ABI3BP: variants seen among roughly 807,000 people sequenced by gnomAD.
The protein encoded by ABI3BP is target of Nesh-SH3.
ABI3BP carries 216 observed loss-of-function variants against 268.6 expected under a neutral mutation model. The ratio of observed to expected loss-of-function variants is 0.80; its 90% CI spans 0.72 to 0.90. ABI3BP has a LOEUF of 0.90. ABI3BP is among the 40% of genes least tolerant of loss of function. The probability of loss-of-function intolerance (pLI) is 0.00; values close to 1 mark genes in which losing one functional copy is unlikely to be tolerated. For synonymous variants in ABI3BP, 730 were observed against 730.0 expected (o/e 1.00, Z 0.00); for missense variants, 2,090 against 2,182.4 (o/e 0.96, Z 0.84).
Position 100,773,974 on chromosome 3 carries a change from T to C in ABI3BP, c.4531+631A>G, listed in dbSNP as rs1468323796. Reference sequence around the variant, plus strand: ...AAGAGAAAGGGATTGCAAAGACACATGATGAAACTTTTGGAAGTTATATAT... The same window carrying C: ...AAGAGAAAGGGATTGCAAAGACACACGATGAAACTTTTGGAAGTTATATAT... On this transcript the variant is annotated intron_variant, in intron 61 of 67. Coordinates refer to ENST00000471714, the MANE Select transcript of ABI3BP (RefSeq NM_001375547.2). Among the ~76,000 whole-genome samples, 3 of 152,198 alleles carry C rather than the reference T, an allele frequency of 2.0e-5. No homozygotes were observed. In the East Asian group the frequency reaches 5.8e-4, roughly 29 times the overall value.
chr3:100,880,748 G>A (rs1044711252), intron 6 of ABI3BP, among the ~76,000 whole-genome samples: 40 of 152,230 alleles, frequency 2.6e-4, no homozygotes, highest in African/African-American at 8.7e-4. Context: ...AGGAACTTGC[G>A]TCTCACCCTG....
At chr3:100,890,667 T>C (rs1280877200) in intron 4 of ABI3BP, among the ~76,000 whole-genome samples, 3 of 152,210 alleles carry the variant, frequency 2.0e-5, no homozygotes, top group East Asian at 1.9e-4. Flanking sequence ...AAAATGTCTC[T>C]ATTTCTTTGC....
At chr3:100,983,653 T>C (rs1291504967) in intron 1 of ABI3BP, among the ~76,000 whole-genome samples, 1 of 152,202 alleles carries the variant, frequency 6.6e-6, no homozygotes. Context: ...CGTGGCCAAG[T>C]ATTTTTAAAT....
At chr3:100,887,291 T>C (rs1165519130) in intron 4 of ABI3BP, among the ~76,000 whole-genome samples, 1 of 152,078 alleles carries the variant, frequency 6.6e-6, no homozygotes. Context: ...CATGTATCAA[T>C]GTGGATAGAT....
At chr3:100,759,979 C>T (rs1209134283) in intron 63 of ABI3BP, among the ~76,000 whole-genome samples, 1 of 152,220 alleles carries the variant, frequency 6.6e-6, no homozygotes, top group Non-Finnish European at 1.5e-5. Flanking sequence ...GGCTATTCCA[C>T]ATGCCTGCAT....
At chr3:100,915,518 G>A (rs1423468795) in intron 2 of ABI3BP, among the ~76,000 whole-genome samples, 1 of 152,134 alleles carries the variant, frequency 6.6e-6, no homozygotes. Context: ...GAAGTAGAAG[G>A]CAGCCAAGCA....
intron 10 of ABI3BP, among the ~76,000 whole-genome samples, chr3:100,865,778 G>A (rs991157393): frequency 2.0e-5 from 3 of 152,178 alleles, no homozygotes; most frequent in African/African-American, 7.2e-5. Flanking sequence ...TATAATTGGG[G>A]AAAGTGGGTA....
At position 100,778,386 on chromosome 3, in the gene ABI3BP, T is replaced by C; in HGVS notation, c.4241-10A>G. Reference sequence around the variant, plus strand: ...GGTGGGCGGCGAGTCCCTGGGATTGTGGATAAGAGATTGTATTTTAGATAA... The same window carrying C: ...GGTGGGCGGCGAGTCCCTGGGATTGCGGATAAGAGATTGTATTTTAGATAA... On this transcript the variant is annotated splice_polypyrimidine_tract_variant and intron_variant, in intron 58 of 67. Transcript: ENST00000471714. 1 of 1,609,104 alleles carries C rather than the reference T, an allele frequency of 6.2e-7. No homozygotes were observed. Among genetic ancestry groups the C allele is most frequent in the East Asian group, 2.2e-5 (1 of 44,810 alleles).
intron 44 of ABI3BP, among the ~76,000 whole-genome samples, 187 bp from the exon 45 acceptor site, chr3:100,813,922 G>A (rs2152523250): frequency 6.6e-6 from 1 of 152,068 alleles, no homozygotes; most frequent in Non-Finnish European, 1.5e-5. Context: ...CTAGCCAGTG[G>A]GCCAATAATG....
intron 57 of ABI3BP, among the ~76,000 whole-genome samples, chr3:100,780,874 T>C (rs1024927693): frequency 1.3e-5 from 2 of 152,192 alleles, no homozygotes; most frequent in Non-Finnish European, 2.9e-5. Flanking sequence ...TTTGCCTAAA[T>C]ACTCAGGCTT....
At chr3:100,865,626 C>T (rs2099043225) in intron 10 of ABI3BP, among the ~76,000 whole-genome samples, 1 of 152,168 alleles carries the variant, frequency 6.6e-6, no homozygotes. Flanking sequence ...AGGGCAAGAA[C>T]ACAAAATAAA....
chr3:100,941,654 C>T (rs1365206398), intron 1 of ABI3BP, among the ~76,000 whole-genome samples: 1 of 152,090 alleles, frequency 6.6e-6, no homozygotes, highest in Non-Finnish European at 1.5e-5. Context: ...ATTTGGATGA[C>T]TGAATGAGAC....
intron 14 of ABI3BP, among the ~76,000 whole-genome samples, chr3:100,861,646 G>T (rs2098999887): frequency 6.7e-6 from 1 of 149,508 alleles, no homozygotes; most frequent in South Asian, 2.1e-4. Flanking sequence ...TTTTGTAAAA[G>T]AAACATATCT....
chr3:100,840,976 G>C, intron 21 of ABI3BP, 118 bp from the exon 22 acceptor site: 1 of 786,158 alleles, frequency 1.3e-6, no homozygotes, highest in Non-Finnish European at 1.9e-6. Flanking sequence ...TATAAATGGT[G>C]AAGCTTTTAT....
At chr3:100,845,739 A>T (rs1229521883) in intron 20 of ABI3BP, among the ~76,000 whole-genome samples, 1 of 146,498 alleles carries the variant, frequency 6.8e-6, no homozygotes, top group Non-Finnish European at 1.5e-5. Flanking sequence ...ACAGATAGAT[A>T]AAAAAAACTC....
In ABI3BP at chr3:100,832,349, A is replaced by G; in HGVS notation, c.2316T>C (p.Ala772=). 1 of 1,535,112 alleles carries G rather than the reference A, an allele frequency of 6.5e-7. No homozygotes were observed. The highest frequency in any genetic ancestry group is 1.4e-5 in the African/African-American group (1 of 72,988). ...FGPITPGTSS[A]PTTTTKRTRR... ...GGGTTCTTTTTGTTGTTGTTGTTGGAGCTGAAGGAAGAAAATTTAGGATTA... is the reference window on the plus strand; with the variant it reads ...GGGTTCTTTTTGTTGTTGTTGTTGGGGCTGAAGGAAGAAAATTTAGGATTA... Residue 772 remains alanine, a splice_region_variant and synonymous_variant, in exon 31 of 68, where the codon GCT becomes GCC. Coordinates refer to ENST00000471714, the MANE Select transcript of ABI3BP (RefSeq NM_001375547.2).
At chr3:100,912,289 A>AC (rs2056922095) in intron 2 of ABI3BP, 2 of 154,798 alleles carry the variant, frequency 1.3e-5, no homozygotes, top group East Asian at 1.9e-4. Flanking sequence ...AAAAAAAAAA[A>AC]AAAAAAAAAA....
intron 4 of ABI3BP, among the ~76,000 whole-genome samples, chr3:100,895,570 TAC>T (rs753170986): frequency 1.3e-5 from 2 of 152,226 alleles, no homozygotes; most frequent in Non-Finnish European, 2.9e-5. Flanking sequence ...TCAGAGACTG[TAC>T]AGAGGGAACC....
chr3:100,775,372 A>T, intron 59 of ABI3BP, 37 bp from the exon 60 acceptor site: 1 of 1,573,192 alleles, frequency 6.4e-7, no homozygotes, highest in African/African-American at 1.4e-5. Context: ...GCTTTATAGG[A>T]ACACTGCCAA....
Sources: gnomAD v4.1 joint callset for allele counts (sites outside exome capture counted in the v4.1 genomes callset) on GRCh38, gnomAD v4.1.1 for gene constraint, MANE v1.5 for transcripts, NCBI Gene and HGNC (gene_info 2026-07-23, HGNC 2026-07-21) for gene names.